The following SMARCA2 variants were observed in gnomAD, a reference collection of about 807,000 sequenced individuals.
SMARCA2 encodes the protein SWI/SNF-related matrix-associated actin-dependent regulator of chromatin subfamily A member 2.
Under a neutral mutation model 199.8 loss-of-function variants are expected in SMARCA2, and 61 were observed. The observed-to-expected ratio is 0.31, with a 90% CI of 0.25 to 0.38. SMARCA2 has a LOEUF of 0.38. SMARCA2 is among the 10% of genes least tolerant of loss of function. The pLI is 1.00. For synonymous variants in SMARCA2, 935 were observed against 732.0 expected (o/e 1.28, Z -4.48); for missense variants, 1,344 against 2,012.2 (o/e 0.67, Z 6.35).
intron 31 of SMARCA2, among the ~76,000 whole-genome samples, chr9:2,185,628 C>G (rs1159548183): frequency 6.6e-6 from 1 of 152,192 alleles, no homozygotes; most frequent in African/African-American, 2.4e-5. Flanking sequence ...GGGCCATGCT[C>G]AGACATGTGT....
At chr9:2,166,800 A>G (rs966694602) in intron 28 of SMARCA2, among the ~76,000 whole-genome samples, 2 of 152,192 alleles carry the variant, frequency 1.3e-5, no homozygotes, top group Admixed American at 6.5e-5. Flanking sequence ...TCATATAGCC[A>G]TGCTCTCATG....
intron 28 of SMARCA2, among the ~76,000 whole-genome samples, chr9:2,168,116 A>G (rs188718835): frequency 4.4e-4 from 67 of 151,196 alleles, no homozygotes; most frequent in East Asian, 1.4e-3. Context: ...GGTTCAAGCA[A>G]TTCTCCTGCC....
At chr9:2,087,281 A>T (rs140508864) in intron 18 of SMARCA2, 38 of 582,322 alleles carry the variant, frequency 6.5e-5, no homozygotes, top group African/African-American at 6.2e-4. Context: ...GGGGCATCTA[A>T]CCCCTTTGTC....
At chr9:2,083,104 A>G (rs2130470200) in intron 15 of SMARCA2, among the ~76,000 whole-genome samples, 1 of 151,834 alleles carries the variant, frequency 6.6e-6, no homozygotes, top group East Asian at 1.9e-4. Flanking sequence ...CTCTATATTT[A>G]TGTATTCTTT....
chr9:2,037,427 G>C (rs1414738684), intron 3 of SMARCA2, among the ~76,000 whole-genome samples: 1 of 152,206 alleles, frequency 6.6e-6, no homozygotes, highest in Non-Finnish European at 1.5e-5. Context: ...TTTAGGGCAG[G>C]ATTCTCCTGA....
Position 2,158,145 on chromosome 9 carries a change from A to C in SMARCA2, c.3982-3541A>C, listed in dbSNP as rs547233736. ...TTTAAGCAAAATTGAAAGAAAGAAA[A>C]GAGAGAAAGAGGGCCAAAAAAAAAA... On this transcript the variant is annotated intron_variant, in intron 27 of 33. Coordinates refer to ENST00000349721, the MANE Select transcript of SMARCA2 (RefSeq NM_003070.5). 3.1e-4 allele frequency: 84 copies of C among 274,116 alleles called. 1 individual carries two copies. The East Asian group carries it at 4.9e-3, about 16-fold the overall frequency. The allele number at this position is 274,116 out of a possible 1,614,324, so 17.0% of individuals were successfully genotyped here.
chr9:2,022,691 T>C lies in SMARCA2; in HGVS notation c.-36-6296T>C, dbSNP rs990927637. Among the ~76,000 whole-genome samples, 2 of 152,250 alleles carry C rather than the reference T, an allele frequency of 1.3e-5. 1 individual carries two copies. Among genetic ancestry groups the C allele is most frequent in the African/African-American group, 4.8e-5 (2 of 41,468 alleles). ...TATGTTTAAAGTATAAATAAACTTA[T>C]CTTGGCAGTCAGAAAAGGAAGTGGC... On this transcript the variant is annotated intron_variant, in intron 1 of 33. Transcript: ENST00000349721.
chr9:2,153,595 C>T (rs1319276402), intron 27 of SMARCA2, among the ~76,000 whole-genome samples: 1 of 152,092 alleles, frequency 6.6e-6, no homozygotes, highest in African/African-American at 2.4e-5. Flanking sequence ...GGAAATGAAA[C>T]ATTTTAATGC....
intron 22 of SMARCA2, among the ~76,000 whole-genome samples, chr9:2,102,794 A>C (rs778501429): frequency 6.6e-6 from 1 of 152,054 alleles, no homozygotes; most frequent in Non-Finnish European, 1.5e-5. Flanking sequence ...GCCAGACCTC[A>C]TCACTCCCCT....
chr9:2,069,524 A>C (rs1383608500), intron 9 of SMARCA2, among the ~76,000 whole-genome samples: 4 of 151,266 alleles, frequency 2.6e-5, no homozygotes, highest in Non-Finnish European at 5.9e-5. Context: ...GGGCCACCGC[A>C]CTCCAGCCTG....
At chr9:2,059,103 A>G (rs988240132) in intron 8 of SMARCA2, among the ~76,000 whole-genome samples, 1 of 152,106 alleles carries the variant, frequency 6.6e-6, no homozygotes, top group Non-Finnish European at 1.5e-5. Context: ...TGGCCTGAGT[A>G]TTTGTTTTTA....
chr9:2,155,181 A>G lies in SMARCA2; in HGVS notation c.3982-6505A>G, dbSNP rs146956036. Among the ~76,000 whole-genome samples, 215 of 152,352 alleles carry G rather than the reference A, an allele frequency of 1.4e-3. 1 individual carries two copies. The highest frequency in any genetic ancestry group is 2.4e-3 in the Non-Finnish European group (163 of 68,028). ...CCAACCTCCACTAAATCTAAAAGTC[A>G]TTCTCCAAATAGAGTATATTGTGTT... On this transcript the variant is annotated intron_variant, in intron 27 of 33. Transcript: ENST00000349721.
chr9:2,182,098 C>G, intron 30 of SMARCA2, 43 bp from the exon 31 acceptor site: 1 of 1,244,922 alleles, frequency 8.0e-7, no homozygotes, highest in East Asian at 2.3e-5. Flanking sequence ...CTGAATTTTC[C>G]TCTCCCTCTT....
rs757912247 is a variant in SMARCA2, at chr9:2,170,454, T to C, written c.4235T>C (p.Leu1412Ser). 3 of 1,614,150 alleles carry C rather than the reference T, an allele frequency of 1.9e-6. No individual in the cohort carries two copies. The highest frequency in any genetic ancestry group is 1.1e-5 in the South Asian group (1 of 91,092). ...NVEKVPSNSQ[L>S]EIEGNSSGRQ... Reference sequence around the variant, plus strand: ...GAGAAGGTGCCCAGTAATTCTCAGTTGGAAATAGAAGGAAACAGGTCAGGA... The same window carrying C: ...GAGAAGGTGCCCAGTAATTCTCAGTCGGAAATAGAAGGAAACAGGTCAGGA... Residue 1412 changes from leucine to serine, a missense_variant, in exon 29 of 34, where the codon TTG becomes TCG. Around this residue, in one of 18 missense-constraint regions of SMARCA2, gnomAD observed 151 missense variants for 154.0 expected, o/e 0.98. Coordinates refer to ENST00000349721, the MANE Select transcript of SMARCA2 (RefSeq NM_003070.5). The surrounding 1 kb of genome is among the most constrained non-coding windows in gnomAD (Gnocchi z 4.7).
chr9:2,182,177 G>T lies in SMARCA2; in HGVS notation c.4396G>T (p.Asp1466Tyr). 6.2e-7 allele frequency: 1 copy of T among 1,613,500 alleles called. No homozygotes were observed. Residue 1466 changes from aspartate (D) to tyrosine (Y), a missense_variant, in exon 31 of 34, where the codon GAC (aspartate) becomes TAC (tyrosine). Around this residue, in one of 18 missense-constraint regions of SMARCA2, gnomAD observed 151 missense variants for 154.0 expected, o/e 0.98. Transcript: ENST00000349721. ...TAATCATAAGTACCGGAGCCTAGGC[G>T]ACCTGGAGAAGGATGTCATGCTTCT... ...IRNHKYRSLG[D>Y]LEKDVMLLCH...
At chr9:2,176,909 C>T (rs1826650324) in intron 29 of SMARCA2, among the ~76,000 whole-genome samples, 1 of 152,086 alleles carries the variant, frequency 6.6e-6, no homozygotes, top group Non-Finnish European at 1.5e-5. Context: ...AAGTCTACTC[C>T]CATCCCACCC....
intron 31 of SMARCA2, 58 bp downstream of exon 31, chr9:2,182,300 T>C: frequency 9.9e-7 from 1 of 1,006,224 alleles, no homozygotes; most frequent in Non-Finnish European, 1.5e-6. Flanking sequence ...GTTGTTCTTT[T>C]TAAGTAGAAT....
At chr9:2,028,332 A>G (rs949661273) in intron 1 of SMARCA2, among the ~76,000 whole-genome samples, 1 of 148,768 alleles carries the variant, frequency 6.7e-6, no homozygotes, top group African/African-American at 2.5e-5. Flanking sequence ...CTGAGACTAC[A>G]GCTGTGTTTT....
At chr9:2,023,755 T>C (rs1450241729) in intron 1 of SMARCA2, among the ~76,000 whole-genome samples, 1 of 152,230 alleles carries the variant, frequency 6.6e-6, no homozygotes, top group Admixed American at 6.5e-5. Context: ...ATAACAGTGC[T>C]TGAGGCCCAG....
Sources: allele counts gnomAD v4.1 joint callset (sites outside exome capture counted in the v4.1 genomes callset), GRCh38; gene constraint gnomAD v4.1.1; regional missense constraint gnomAD v4.1.1; non-coding constraint Gnocchi (gnomAD v3.1); transcripts MANE v1.5; gene names NCBI Gene and HGNC (gene_info 2026-07-23, HGNC 2026-07-21).